The following CFAP20DC variants were observed in gnomAD, a reference collection of about 807,000 sequenced individuals.
The protein encoded by CFAP20DC is protein CFAP20DC.
CFAP20DC carries 84 observed loss-of-function variants against 101.7 expected under a neutral mutation model. The observed-to-expected ratio is 0.83, with a 90% confidence interval of 0.69 to 0.99. CFAP20DC has a LOEUF of 0.99. CFAP20DC is among the 50% of genes least tolerant of loss of function. CFAP20DC has a pLI of 0.00. For missense variants in CFAP20DC, 1,007 were observed against 970.3 expected (o/e 1.04, Z -0.50); for synonymous variants, 359 against 351.2 (o/e 1.02, Z -0.25).
intron 15 of CFAP20DC, among the ~76,000 whole-genome samples, chr3:58,786,556 T>C (rs948522226): frequency 7.2e-5 from 11 of 152,172 alleles, no homozygotes; most frequent in African/African-American, 2.2e-4. Context: ...CAGACCTGAA[T>C]CCCTTTTCTG....
rs1356002226 is a variant in CFAP20DC at position 58,864,295 on chromosome 3, C to G, written c.1259-403G>C. Among the ~76,000 whole-genome samples the G allele has an allele frequency of 6.6e-6, 1 of 152,166 alleles. No homozygotes were observed. The highest frequency in any genetic ancestry group is 2.4e-5 in the African/African-American group (1 of 41,442). ...TAGGCAGGTAGTTAGGCTAAAATTT[C>G]TTGTTGTTGAAACAGATTTATCAAA... On this transcript the variant is annotated intron_variant, in intron 11 of 16. Coordinates refer to ENST00000482387, the MANE Select transcript of CFAP20DC (RefSeq NM_001394063.1). The surrounding 1 kb of genome is among the most constrained non-coding windows in gnomAD (Gnocchi z 4.7).
rs1173115746 is a variant in CFAP20DC at position 58,849,408 on chromosome 3, C to T, written c.1595G>A (p.Gly532Asp). The change falls in exon 13 of 17, where the codon GGT becomes GAT. Residue 532 changes from glycine (G) to aspartate (D), a missense_variant and splice_region_variant. Physicochemically the swap from Gly to Asp is moderately conservative, Grantham distance 94 (BLOSUM62 -1). Coordinates refer to ENST00000482387, the MANE Select transcript of CFAP20DC (RefSeq NM_001394063.1). ...DFYGGDSSEE[G>D]NHSIQGSRGP... ...TCGAGAACCCTGGATACTGTGGTTACCCTATGTTGGGGAACAAAGTAAAAA... is the reference window on the plus strand; with the variant it reads ...TCGAGAACCCTGGATACTGTGGTTATCCTATGTTGGGGAACAAAGTAAAAA... 6.6e-7 allele frequency: 1 copy of T among 1,508,564 alleles called. No homozygotes were observed. Among genetic ancestry groups the T allele is most frequent in the Non-Finnish European group, 8.8e-7 (1 of 1,136,058 alleles). 93.4% of individuals were successfully genotyped at this position (1,508,564 alleles called of 1,614,324 possible). A position where few individuals can be genotyped will look rare whatever the true frequency, so the allele number is the denominator to read the frequency against.
chr3:58,847,331 C>A (rs1324084920), intron 13 of CFAP20DC, among the ~76,000 whole-genome samples: 23 of 145,214 alleles, frequency 1.6e-4, no homozygotes, highest in African/African-American at 3.9e-4. Context: ...AAAAAACAAA[C>A]AACCCCATCA....
At chr3:58,846,565 A>G (rs1189503042) in intron 13 of CFAP20DC, among the ~76,000 whole-genome samples, 5 of 149,858 alleles carry the variant, frequency 3.3e-5, no homozygotes, top group African/African-American at 9.7e-5. Context: ...GGAAGAATCA[A>G]TATCGTGAAA....
At chr3:58,806,619 T>C (rs1325381637) in intron 14 of CFAP20DC, among the ~76,000 whole-genome samples, 163 bp from the exon 15 acceptor site, 1 of 152,182 alleles carries the variant, frequency 6.6e-6, no homozygotes, top group Non-Finnish European at 1.5e-5. Flanking sequence ...AGCTCCAGTG[T>C]ACAGCTCCCA....
chr3:58,818,940 T>C (rs2075404280), intron 14 of CFAP20DC, among the ~76,000 whole-genome samples: 1 of 147,818 alleles, frequency 6.8e-6, no homozygotes, highest in African/African-American at 2.5e-5. Flanking sequence ...TAACAAACTA[T>C]CTCTCAGACC....
At chr3:58,818,481 G>T (rs2075367059) in intron 14 of CFAP20DC, among the ~76,000 whole-genome samples, 1 of 151,392 alleles carries the variant, frequency 6.6e-6, no homozygotes, top group Non-Finnish European at 1.5e-5. Flanking sequence ...AAAAGGCAGG[G>T]GTTGCAATCC....
chr3:58,836,999 G>A (rs952775519), intron 13 of CFAP20DC, among the ~76,000 whole-genome samples: 1 of 152,090 alleles, frequency 6.6e-6, no homozygotes, highest in Non-Finnish European at 1.5e-5. Context: ...ATGGCAGCAC[G>A]TTCCAGCCAT....
chr3:58,890,717 C>T (rs1160033981), intron 6 of CFAP20DC, among the ~76,000 whole-genome samples: 14 of 146,014 alleles, frequency 9.6e-5, no homozygotes, highest in Non-Finnish European at 9.0e-5. Context: ...ACGGGGCGGC[C>T]GGGCAGAGAC....
At chr3:58,777,830 G>A (rs1476556713) in intron 15 of CFAP20DC, among the ~76,000 whole-genome samples, 1 of 152,174 alleles carries the variant, frequency 6.6e-6, no homozygotes, top group Non-Finnish European at 1.5e-5. Context: ...ACAAGGCGCT[G>A]TCTGGAGACT....
intron 14 of CFAP20DC, among the ~76,000 whole-genome samples, chr3:58,807,317 C>A (rs1559617739): frequency 2.6e-5 from 4 of 152,300 alleles, no homozygotes; most frequent in African/African-American, 4.8e-5. Flanking sequence ...AGGCACCCCC[C>A]AGTAGGGGCA....
At chr3:58,853,853 C>T (rs1465876957) in intron 12 of CFAP20DC, among the ~76,000 whole-genome samples, 1 of 151,872 alleles carries the variant, frequency 6.6e-6, no homozygotes, top group African/African-American at 2.4e-5. Flanking sequence ...TAAGAGCTAT[C>T]TATGACAAAC....
intron 13 of CFAP20DC, among the ~76,000 whole-genome samples, chr3:58,833,755 C>T (rs1283936463): frequency 2.0e-5 from 3 of 152,126 alleles, no homozygotes; most frequent in African/African-American, 7.2e-5. Flanking sequence ...TATGTTCACA[C>T]AAAACTTGCA....
In CFAP20DC at chr3:58,863,969, T is replaced by A. The variant is rs1308893656; in HGVS notation, c.1259-77A>T. On this transcript the variant is annotated intron_variant, in intron 11 of 16. Coordinates refer to ENST00000482387, the MANE Select transcript of CFAP20DC (RefSeq NM_001394063.1). The surrounding 1 kb of genome is among the most constrained non-coding windows in gnomAD (Gnocchi z 5.9). ...TATTTTTATTTATTTATTTTTAGTT[T>A]TAGTTTTTGAGACAGTCTCACTCTG... The A allele has an allele frequency of 1.4e-5, 20 of 1,380,006 alleles. No individual in the cohort carries two copies. The highest frequency in any genetic ancestry group is 1.5e-5 in the Non-Finnish European group (16 of 1,047,802). The allele number at this position is 1,380,006 out of a possible 1,614,324, so 85.5% of individuals were successfully genotyped here. A position where few individuals can be genotyped will look rare whatever the true frequency, so the allele number is the denominator to read the frequency against.
intron 4 of CFAP20DC, among the ~76,000 whole-genome samples, chr3:58,998,841 T>C (rs1296515886): frequency 6.6e-6 from 1 of 152,232 alleles, no homozygotes; most frequent in Non-Finnish European, 1.5e-5. Flanking sequence ...AAGAAATAAA[T>C]GCTAGCCATT....
chr3:58,829,000 G>C (rs1662062819), intron 14 of CFAP20DC, among the ~76,000 whole-genome samples: 2 of 152,088 alleles, frequency 1.3e-5, no homozygotes, highest in African/African-American at 4.8e-5. Flanking sequence ...CCTGGCTAAA[G>C]GATCAATATG....
chr3:58,880,122 T>C (rs1370170226), intron 7 of CFAP20DC, among the ~76,000 whole-genome samples: 1 of 151,718 alleles, frequency 6.6e-6, no homozygotes, highest in Non-Finnish European at 1.5e-5. Context: ...ATCATGAATA[T>C]AGTTGGAAAA....
In CFAP20DC at chr3:58,866,103, C is replaced by A. The variant is rs980579456; in HGVS notation, c.1258+463G>T. 2.0e-5 allele frequency among the ~76,000 whole-genome samples: 3 copies of A among 152,324 alleles called. No homozygotes were observed. The South Asian group carries it at 6.2e-4, about 32-fold the overall frequency. The stretch of plus-strand genomic sequence containing the variant: ...CCTAACATTTTAATGAAGGTTTCAA[C>A]GTTGCATAAATAAGATTGACAAACC... On this transcript the variant is annotated intron_variant, in intron 11 of 16. Coordinates refer to ENST00000482387, the MANE Select transcript of CFAP20DC (RefSeq NM_001394063.1).
chr3:58,999,514 A>G (rs1228820856), intron 4 of CFAP20DC, among the ~76,000 whole-genome samples: 2 of 152,036 alleles, frequency 1.3e-5, no homozygotes, highest in Non-Finnish European at 2.9e-5. Flanking sequence ...GGGCCTAAAG[A>G]CTCAAGCCTG....
Sources: allele counts gnomAD v4.1 joint callset (sites outside exome capture counted in the v4.1 genomes callset), GRCh38; gene constraint gnomAD v4.1.1; non-coding constraint Gnocchi (gnomAD v3.1); transcripts MANE v1.5; gene names NCBI Gene and HGNC (gene_info 2026-07-23, HGNC 2026-07-21).